SPECC1: variants seen among roughly 807,000 people sequenced by gnomAD.
SPECC1 encodes the protein cytospin-B.
Under a neutral mutation model 104.1 loss-of-function variants are expected in SPECC1, and 62 were observed. The ratio of observed to expected loss-of-function variants is 0.60; its 90% CI spans 0.49 to 0.74. The LOEUF (loss-of-function observed/expected upper bound fraction) is 0.74, where lower values mean the gene tolerates loss of function less well. Ranked by LOEUF, SPECC1 falls within the 30% of genes least tolerant of loss-of-function variation. SPECC1 has a pLI of 0.00. For missense variants in SPECC1, 1,306 were observed against 1,310.5 expected (o/e 1.00, Z 0.05); for synonymous variants, 513 against 501.6 (o/e 1.02, Z -0.30).
At chr17:20,111,851 G>A (rs574245197) in intron 3 of SPECC1, 23 of 841,344 alleles carry the variant, frequency 2.7e-5, no homozygotes, top group African/African-American at 2.0e-4. Context: ...GTTCCTGAAC[G>A]GCAGCCCCAA....
intron 3 of SPECC1, among the ~76,000 whole-genome samples, chr17:20,200,486 C>T (rs778490236): frequency 9.9e-5 from 15 of 152,066 alleles, no homozygotes; most frequent in East Asian, 1.9e-4. Context: ...TAAGTGATGA[C>T]GGGGTGGGAG....
chr17:20,104,740 CAAAAAAAAAAAAAAA>C (rs745893309), intron 2 of SPECC1, among the ~76,000 whole-genome samples: 7 of 57,240 alleles, frequency 1.2e-4, no homozygotes, highest in South Asian at 9.3e-4. Context: ...GAGACTGTCT[CAAAAAAAAAAAAAAA>C]AAAAAAAAAA....
chr17:20,179,204 T>TA (rs1216095360), intron 3 of SPECC1, among the ~76,000 whole-genome samples: 1 of 152,246 alleles, frequency 6.6e-6, no homozygotes, highest in Non-Finnish European at 1.5e-5. Flanking sequence ...CATCAAATCT[T>TA]ACACAGAATT....
intron 2 of SPECC1, among the ~76,000 whole-genome samples, chr17:20,102,360 G>A (rs1239959355): frequency 6.6e-6 from 1 of 152,192 alleles, no homozygotes; most frequent in African/African-American, 2.4e-5. Context: ...CTCGTGGAAG[G>A]TGCAGGGGAA....
chr17:20,038,633 C>T (rs988588429), intron 1 of SPECC1, among the ~76,000 whole-genome samples: 1 of 152,306 alleles, frequency 6.6e-6, no homozygotes, highest in South Asian at 2.1e-4. Context: ...AACTCCTGAT[C>T]TTGTGATCCA....
intron 2 of SPECC1, among the ~76,000 whole-genome samples, chr17:20,102,439 G>A (rs904041656): frequency 6.6e-6 from 1 of 152,216 alleles, no homozygotes; most frequent in African/African-American, 2.4e-5. Flanking sequence ...AGGTGGCACA[G>A]CACTGGCCTG....
intron 1 of SPECC1, among the ~76,000 whole-genome samples, chr17:20,036,813 G>A (rs923243242): frequency 3.9e-5 from 6 of 151,916 alleles, no homozygotes; most frequent in Non-Finnish European, 7.4e-5. Flanking sequence ...CTTTCTTATC[G>A]TTTTGCACAA....
At chr17:20,107,817 C>T (rs561880537) in intron 2 of SPECC1, among the ~76,000 whole-genome samples, 8 of 152,172 alleles carry the variant, frequency 5.3e-5, no homozygotes, top group East Asian at 1.9e-4. Context: ...TGAGCCACTG[C>T]GCTCGACCAT....
At chr17:20,166,669 C>T (rs938106076) in intron 3 of SPECC1, among the ~76,000 whole-genome samples, 2 of 151,906 alleles carry the variant, frequency 1.3e-5, no homozygotes, top group African/African-American at 4.8e-5. Context: ...CTGGGATAAC[C>T]GGAGGGAGTT....
intron 1 of SPECC1, among the ~76,000 whole-genome samples, chr17:20,045,978 G>A (rs1320155934): frequency 1.3e-5 from 2 of 148,846 alleles, no homozygotes; most frequent in African/African-American, 2.5e-5. Flanking sequence ...TCAGTTTATC[G>A]ACTTGAGAAA....
intron 3 of SPECC1, among the ~76,000 whole-genome samples, chr17:20,140,389 C>T (rs902867158): frequency 6.6e-6 from 1 of 152,128 alleles, no homozygotes; most frequent in Non-Finnish European, 1.5e-5. Context: ...TGAATCCTTT[C>T]ACATGTTTGC....
intron 3 of SPECC1, among the ~76,000 whole-genome samples, chr17:20,147,755 GAC>G (rs2031603978): frequency 6.6e-6 from 1 of 152,196 alleles, no homozygotes; most frequent in Non-Finnish European, 1.5e-5. Flanking sequence ...AAATGATAGA[GAC>G]AGGGTGCAAT....
intron 1 of SPECC1, among the ~76,000 whole-genome samples, chr17:20,047,069 A>G (rs985516088): frequency 1.3e-5 from 2 of 152,238 alleles, no homozygotes; most frequent in African/African-American, 4.8e-5. Flanking sequence ...TGAAGTTCCC[A>G]TTAATGAGCA....
chr17:20,047,149 GAATGCTTGTGTTCTTTCATGTTGTA>G (rs1263136060), intron 1 of SPECC1, among the ~76,000 whole-genome samples: 1 of 152,210 alleles, frequency 6.6e-6, no homozygotes, highest in South Asian at 2.1e-4. Flanking sequence ...TTGAGTATGA[GAATGCTTGTGTTCTTTCATGTTGTA>G]AATGCTTGTG....
At chr17:20,263,132 T>A (rs2040087206) in intron 12 of SPECC1, among the ~76,000 whole-genome samples, 1 of 151,556 alleles carries the variant, frequency 6.6e-6, no homozygotes, top group South Asian at 2.1e-4. Flanking sequence ...GACCATGCCA[T>A]GAAGGAAGGC....
At chr17:20,295,785 G>GT (rs1306698901) in intron 12 of SPECC1, among the ~76,000 whole-genome samples, 1 of 152,100 alleles carries the variant, frequency 6.6e-6, no homozygotes. Flanking sequence ...GATGAGCATT[G>GT]TTTCATGTGT....
intron 12 of SPECC1, among the ~76,000 whole-genome samples, chr17:20,280,632 A>G (rs2040734987): frequency 1.3e-5 from 2 of 152,238 alleles, no homozygotes; most frequent in African/African-American, 4.8e-5. Context: ...GTGCTGGCCA[A>G]TCCTGTAGCC....
At chr17:20,256,684 G>A (rs1178815850) in intron 10 of SPECC1, among the ~76,000 whole-genome samples, 2 of 152,156 alleles carry the variant, frequency 1.3e-5, no homozygotes, top group South Asian at 2.1e-4. Context: ...AGTCTCGAAA[G>A]ATGTCTCCTG....
At chr17:20,250,707 A>C (rs1013744287) in intron 9 of SPECC1, among the ~76,000 whole-genome samples, 3 of 152,252 alleles carry the variant, frequency 2.0e-5, no homozygotes, top group African/African-American at 7.2e-5. Context: ...ACTAGGAAAG[A>C]GGTCAGCATA....
Sources: allele counts gnomAD v4.1 joint callset (sites outside exome capture counted in the v4.1 genomes callset), GRCh38; gene constraint gnomAD v4.1.1; transcripts MANE v1.5; gene names NCBI Gene and HGNC (gene_info 2026-07-23, HGNC 2026-07-21).